The following LCAT variants were observed in gnomAD, a reference collection of about 807,000 sequenced individuals.
LCAT encodes the protein phosphatidylcholine-sterol acyltransferase.
In LCAT, 15 loss-of-function variants were observed where a neutral mutation model predicts 41.0. The ratio of observed to expected loss-of-function variants is 0.37; its 90% CI spans 0.24 to 0.56. The LOEUF (loss-of-function observed/expected upper bound fraction) is 0.56, where lower values mean the gene tolerates loss of function less well. Ranked by LOEUF, LCAT falls within the 20% of genes least tolerant of loss-of-function variation. The pLI is 0.81. For synonymous variants in LCAT, 248 were observed against 245.4 expected (o/e 1.01, Z -0.10); for missense variants, 449 against 595.1 (o/e 0.75, Z 2.55).
Position 67,939,801 on chromosome 16 carries a change from C to T in LCAT, c.*103G>A, listed in dbSNP as rs1376173224. On this transcript the variant is annotated 3_prime_UTR_variant, in exon 6 of 6. Transcript: ENST00000264005. ...CCATCTTGCCTCACTGCACACAGCA[C>T]TGAGCCTGTGGCTGGTGAGGAGTGA... The T allele has an allele frequency of 2.5e-5, 38 of 1,544,998 alleles. No individual in the cohort carries two copies. Among genetic ancestry groups the T allele is most frequent in the Non-Finnish European group, 3.2e-5 (36 of 1,140,722 alleles).
chr16:67,942,559 G>C lies in LCAT; in HGVS notation c.552C>G (p.Leu184=), dbSNP rs773303978. 3 of 1,613,286 alleles carry C rather than the reference G, an allele frequency of 1.9e-6. No individual in the cohort carries two copies. The highest frequency in any genetic ancestry group is 3.3e-5 in the Admixed American group (2 of 59,996). ...CGTGCATCTCCTCCACCAGCCCTGC[G>C]AGCTTGCGGTAGTACTCCTCCTGCT... is the stretch of plus-strand genomic sequence containing the variant. The part of the protein sequence containing the change: ...PGQQEEYYRK[L]AGLVEEMHAA... Residue 184 remains leucine (L), a synonymous_variant, in exon 5 of 6, where the codon CTC becomes CTG. Coordinates refer to ENST00000264005, the MANE Select transcript of LCAT (RefSeq NM_000229.2). The surrounding 1 kb of genome is among the most constrained non-coding windows in gnomAD (Gnocchi z 6.6).
At position 67,943,391 on chromosome 16, in the gene LCAT, C is replaced by G; in HGVS notation, c.155-179G>C. ...CTCTCCCTGCTGTCCCCCCAGTAGC[C>G]AAAGCCCAGGCTTCCCTGAGGAAGG... On this transcript the variant is annotated intron_variant, in intron 1 of 5. Transcript: ENST00000264005. This position sits in a 1 kb window ranked among gnomAD's most constrained non-coding sequence, Gnocchi z 4.6. 1.5e-6 allele frequency: 1 copy of G among 661,676 alleles called. No individual in the cohort carries two copies. 41.0% of individuals were successfully genotyped at this position (661,676 alleles called of 1,614,324 possible).
At chr16:67,940,638 C>T (rs2058286841) in intron 5 of LCAT, 160 bp from the exon 6 acceptor site, 6 of 1,235,094 alleles carry the variant, frequency 4.9e-6, no homozygotes, top group Non-Finnish European at 6.6e-6. Context: ...TTCAATGATG[C>T]TCAGTGTCAG....
In LCAT at chr16:67,939,951, G is replaced by A. The variant is rs762281391; in HGVS notation, c.1276C>T (p.Pro426Ser). Reference sequence around the variant, plus strand: ...GGGCTGGCAGTCGGGGATGCAGGGGGACCCTGGCGGTAGGCACCCAGCAGG... The same window carrying A: ...GGGCTGGCAGTCGGGGATGCAGGGGAACCCTGGCGGTAGGCACCCAGCAGG... ...AILLGAYRQGPPASPTASPEP... is the reference protein window; with the variant it reads ...AILLGAYRQGSPASPTASPEP... The change falls in exon 6 of 6, where the codon CCC (proline) becomes TCC (serine). Residue 426 changes from proline to serine, a missense_variant. Pro to Ser is a moderately conservative substitution (Grantham distance 74, BLOSUM62 -1). Coordinates refer to ENST00000264005, the MANE Select transcript of LCAT (RefSeq NM_000229.2). The A allele has an allele frequency of 1.2e-6, 2 of 1,613,590 alleles. No homozygotes were observed. The highest frequency in any genetic ancestry group is 2.2e-5 in the East Asian group (1 of 44,886).
In LCAT at chr16:67,940,334, G is replaced by A; in HGVS notation, c.893C>T (p.Thr298Ile). The stretch of plus-strand genomic sequence containing the variant: ...AAAGAAGCGTTGGAAGTCACGGCCT[G>A]TGTAGTTGAAGCTGGGTGTGGAAAT... The part of the protein sequence containing the change: ...VFISTPSFNY[T>I]GRDFQRFFAD... Residue 298 changes from threonine to isoleucine, a missense_variant, in exon 6 of 6, where the codon ACA becomes ATA. Transcript: ENST00000264005. 1.2e-6 allele frequency: 2 copies of A among 1,614,194 alleles called. No individual in the cohort carries two copies. Among genetic ancestry groups the A allele is most frequent in the Non-Finnish European group, 1.7e-6 (2 of 1,180,040 alleles).
At position 67,944,119 on chromosome 16, in the gene LCAT, C is replaced by T. The variant is rs1036816457; in HGVS notation, c.-18G>A. ...GGCCCCATTCCAGCCCTGGTGCCTA[C>T]TGCCAGAGAAAGCGGCACTGGGCTG... is the stretch of plus-strand genomic sequence containing the variant. On this transcript the variant is annotated 5_prime_UTR_variant, in exon 1 of 6. Transcript: ENST00000264005. The surrounding 1 kb of genome is among the most constrained non-coding windows in gnomAD (Gnocchi z 6.6). 3 of 1,546,516 alleles carry T rather than the reference C, an allele frequency of 1.9e-6. No individual in the cohort carries two copies. Among genetic ancestry groups the T allele is most frequent in the African/African-American group, 1.4e-5 (1 of 72,958 alleles).
Position 67,944,014 on chromosome 16 carries a change from C to A in LCAT, c.88G>T (p.Val30Leu). Reference protein sequence around the residue: ...PPAAPFWLLNVLFPPHTTPKA... With the variant: ...PPAAPFWLLNLLFPPHTTPKA... ...GGCGTGGTGTGCGGGGGGAAGAGCA[C>A]ATTGAGGAGCCAGAAGGGGGCGGCA... Residue 30 changes from valine (V) to leucine (L), a missense_variant, in exon 1 of 6, where the codon GTG becomes TTG. Transcript: ENST00000264005. The surrounding 1 kb of genome is among the most constrained non-coding windows in gnomAD (Gnocchi z 6.6). 6.5e-7 allele frequency: 1 copy of A among 1,548,136 alleles called. No homozygotes were observed. Among genetic ancestry groups the A allele is most frequent in the Non-Finnish European group, 8.7e-7 (1 of 1,145,786 alleles).
In LCAT at chr16:67,943,485, G is replaced by A. The variant is rs17287341; in HGVS notation, c.155-273C>T. On this transcript the variant is annotated intron_variant, in intron 1 of 5. Transcript: ENST00000264005. The surrounding 1 kb of genome is among the most constrained non-coding windows in gnomAD (Gnocchi z 4.6). ...CTGCAGAGCAAACACCCAGTCTGGCGCTCCTTTATTGCCAAAGTCCAAGGT... is the reference window on the plus strand; with the variant it reads ...CTGCAGAGCAAACACCCAGTCTGGCACTCCTTTATTGCCAAAGTCCAAGGT... 5.5e-6 allele frequency: 3 copies of A among 541,100 alleles called. No individual in the cohort carries two copies. The highest frequency in any genetic ancestry group is 1.0e-5 in the Non-Finnish European group (3 of 298,944). The allele number at this position is 541,100 out of a possible 1,614,324, so 33.5% of individuals were successfully genotyped here.
In LCAT at chr16:67,943,896, C is replaced by T; in HGVS notation, c.154+52G>A. Reference sequence around the variant, plus strand: ...CAGGTCAGCTGCCAGGGGCTGGGGCCCAGGCTCCCCAGGGTCTGGCGTGGT... The same window carrying T: ...CAGGTCAGCTGCCAGGGGCTGGGGCTCAGGCTCCCCAGGGTCTGGCGTGGT... On this transcript the variant is annotated intron_variant, in intron 1 of 5. Coordinates refer to ENST00000264005, the MANE Select transcript of LCAT (RefSeq NM_000229.2). This position sits in a 1 kb window ranked among gnomAD's most constrained non-coding sequence, Gnocchi z 4.6. 1.4e-6 allele frequency: 2 copies of T among 1,477,390 alleles called. No homozygotes were observed. The highest frequency in any genetic ancestry group is 1.8e-6 in the Non-Finnish European group (2 of 1,097,878). The allele number at this position is 1,477,390 out of a possible 1,614,324, so 91.5% of individuals were successfully genotyped here. A position where few individuals can be genotyped will look rare whatever the true frequency, so the allele number is the denominator to read the frequency against.
Position 67,943,729 on chromosome 16 carries a change from C to G in LCAT, c.154+219G>C. On this transcript the variant is annotated intron_variant, in intron 1 of 5. Coordinates refer to ENST00000264005, the MANE Select transcript of LCAT (RefSeq NM_000229.2). This position sits in a 1 kb window ranked among gnomAD's most constrained non-coding sequence, Gnocchi z 4.6. ...CTCAGGCACACCCCGTCCCCCACTC[C>G]GCCCCCCCTGGGTTAGACAACTGAG... 3.5e-6 allele frequency: 2 copies of G among 575,568 alleles called. No homozygotes were observed. Among genetic ancestry groups the G allele is most frequent in the Non-Finnish European group, 6.1e-6 (2 of 328,468 alleles). The allele number at this position is 575,568 out of a possible 1,614,324, so 35.7% of individuals were successfully genotyped here.
rs746342275 is a variant in LCAT at position 67,943,138 on chromosome 16, T to G, written c.229A>C (p.Lys77Gln). The change falls in exon 2 of 6, where the codon AAG becomes CAG. Residue 77 changes from lysine (K) to glutamine (Q), a missense_variant. Coordinates refer to ENST00000264005, the MANE Select transcript of LCAT (RefSeq NM_000229.2). This position sits in a 1 kb window ranked among gnomAD's most constrained non-coding sequence, Gnocchi z 4.6. ...CAGATGGTGAAGAAGTCCTCTGTCT[T>G]GCGGTAGCACATCCAGTTCACCACA... Reference protein sequence around the residue: ...PDVVNWMCYRKTEDFFTIWLD... With the variant: ...PDVVNWMCYRQTEDFFTIWLD... 1.1e-5 allele frequency: 18 copies of G among 1,613,996 alleles called. No individual in the cohort carries two copies. Among genetic ancestry groups the G allele is most frequent in the Non-Finnish European group, 1.5e-5 (18 of 1,179,960 alleles).
chr16:67,942,488 C>G lies in LCAT; in HGVS notation c.623G>C (p.Cys208Ser), dbSNP rs760380606. The change falls in exon 5 of 6, where the codon TGT (cysteine) becomes TCT (serine). Residue 208 changes from cysteine to serine, a missense_variant. Coordinates refer to ENST00000264005, the MANE Select transcript of LCAT (RefSeq NM_000229.2). This position sits in a 1 kb window ranked among gnomAD's most constrained non-coding sequence, Gnocchi z 6.6. ...PVFLIGHSLG[C>S]LHLLYFLLRQ... Reference sequence around the variant, plus strand: ...CAGCAGGAAATAGAGCAAGTGTAGACAGCCGAGGCTGTGGCCAATGAGGAA... The same window carrying G: ...CAGCAGGAAATAGAGCAAGTGTAGAGAGCCGAGGCTGTGGCCAATGAGGAA... 171 of 1,613,678 alleles carry G rather than the reference C, an allele frequency of 1.1e-4. 1 individual carries two copies. Among genetic ancestry groups the G allele is most frequent in the Non-Finnish European group, 1.4e-4 (168 of 1,180,020 alleles).
In LCAT at chr16:67,940,276, C is replaced by T. The variant is rs121908048; in HGVS notation, c.951G>A (p.Met317Ile). ...ADLHFEEGWY[M>I]WLQSRDLLAG... ...CCAGGAGGTCACGTGACTGCAGCCA[C>T]ATGTACCAGCCTTCCTCAAAGTGCA... Residue 317 changes from methionine to isoleucine, a missense_variant, in exon 6 of 6, where the codon ATG (methionine) becomes ATA (isoleucine). Physicochemically the swap from Met to Ile is conservative, Grantham distance 10 (BLOSUM62 1). Transcript: ENST00000264005. The T allele has an allele frequency of 1.2e-6, 2 of 1,614,060 alleles. No individual in the cohort carries two copies. Among genetic ancestry groups the T allele is most frequent in the East Asian group, 4.5e-5 (2 of 44,874 alleles).
intron 5 of LCAT, 80 bp from the exon 6 acceptor site, chr16:67,940,558 CAGATGCT>C: frequency 1.3e-6 from 2 of 1,582,218 alleles, no homozygotes; most frequent in South Asian, 2.3e-5. Flanking sequence ...TAGGCTCAGC[CAGATGCT>C]CAATCTTGTC....
rs2058307011 is a variant in LCAT, at chr16:67,943,586, G to A, written c.154+362C>T. ...CATGGATGGGCCTCTCCTGCTCACCGATCCTGGGCTGGGCATCTTGTCCTT... is the reference window on the plus strand; with the variant it reads ...CATGGATGGGCCTCTCCTGCTCACCAATCCTGGGCTGGGCATCTTGTCCTT... On this transcript the variant is annotated intron_variant, in intron 1 of 5. Transcript: ENST00000264005. This position sits in a 1 kb window ranked among gnomAD's most constrained non-coding sequence, Gnocchi z 4.6. 7 of 504,172 alleles carry A rather than the reference G, an allele frequency of 1.4e-5. No homozygotes were observed. The highest frequency in any genetic ancestry group is 3.8e-5 in the African/African-American group (2 of 52,054). 31.2% of individuals were successfully genotyped at this position (504,172 alleles called of 1,614,324 possible). A position where few individuals can be genotyped will look rare whatever the true frequency, so the allele number is the denominator to read the frequency against.
At position 67,943,779 on chromosome 16, in the gene LCAT, A is replaced by G; in HGVS notation, c.154+169T>C. The G allele has an allele frequency of 1.6e-6, 1 of 641,856 alleles. No homozygotes were observed. Among genetic ancestry groups the G allele is most frequent in the Admixed American group, 3.1e-5 (1 of 32,522 alleles). The allele number at this position is 641,856 out of a possible 1,614,324, so 39.8% of individuals were successfully genotyped here. On this transcript the variant is annotated intron_variant, in intron 1 of 5. Transcript: ENST00000264005. This position sits in a 1 kb window ranked among gnomAD's most constrained non-coding sequence, Gnocchi z 4.6. Reference sequence around the variant, plus strand: ...GAGTCACAGTGTGGTGGGAGAAGGGACGTCATTCCTCTAAGGGACAAGCTT... The same window carrying G: ...GAGTCACAGTGTGGTGGGAGAAGGGGCGTCATTCCTCTAAGGGACAAGCTT...
chr16:67,943,739 G>T lies in LCAT; in HGVS notation c.154+209C>A. 1 of 588,242 alleles carries T rather than the reference G, an allele frequency of 1.7e-6. No individual in the cohort carries two copies. The highest frequency in any genetic ancestry group is 3.0e-6 in the Non-Finnish European group (1 of 337,696). 36.4% of individuals were successfully genotyped at this position (588,242 alleles called of 1,614,324 possible). ...CCCCGTCCCCCACTCCGCCCCCCCT[G>T]GGTTAGACAACTGAGAGTCACAGTG... is the stretch of plus-strand genomic sequence containing the variant. On this transcript the variant is annotated intron_variant, in intron 1 of 5. Transcript: ENST00000264005. The surrounding 1 kb of genome is among the most constrained non-coding windows in gnomAD (Gnocchi z 4.6).
At chr16:67,941,901 G>A in intron 5 of LCAT, 1 of 1,146,276 alleles carries the variant, frequency 8.7e-7, no homozygotes, top group African/African-American at 1.6e-5. Context: ...CAGGGTACAG[G>A]GGGTGGGGAG....
In LCAT at chr16:67,942,845, G is replaced by C. The variant is rs1420175735; in HGVS notation, c.427+16C>G. On this transcript the variant is annotated intron_variant, in intron 3 of 5. Coordinates refer to ENST00000264005, the MANE Select transcript of LCAT (RefSeq NM_000229.2). This position sits in a 1 kb window ranked among gnomAD's most constrained non-coding sequence, Gnocchi z 6.6. ...CACCCAGGCCTGGAGCCCCAGCCCT[G>C]CCCTCTGACACAAACCTGCCAGCTT... 8.7e-6 allele frequency: 14 copies of C among 1,613,114 alleles called. No homozygotes were observed. The highest frequency in any genetic ancestry group is 1.2e-5 in the Non-Finnish European group (14 of 1,179,780).
Sources: gnomAD v4.1 joint callset for allele counts on GRCh38, gnomAD v4.1.1 for gene constraint, Gnocchi (gnomAD v3.1) non-coding constraint, MANE v1.5 for transcripts, NCBI Gene and HGNC (gene_info 2026-07-23, HGNC 2026-07-21) for gene names.